Variants in SOHLH2 observed in about 807,000 individuals in gnomAD.
SOHLH2 encodes spermatogenesis- and oogenesis-specific basic helix-loop-helix-containing protein 2.
Under a neutral mutation model 50.4 loss-of-function variants are expected in SOHLH2, and 22 were observed. That is an observed-to-expected ratio of 0.44 (90% CI 0.31 to 0.62). The LOEUF (loss-of-function observed/expected upper bound fraction) is 0.62, where lower values mean the gene tolerates loss of function less well. Ranked by LOEUF, SOHLH2 falls within the 20% of genes least tolerant of loss-of-function variation. The probability of loss-of-function intolerance (pLI) is 0.08; values close to 1 mark genes in which losing one functional copy is unlikely to be tolerated. For synonymous variants in SOHLH2, 185 were observed against 187.3 expected, an observed-to-expected ratio of 0.99 and a Z score of 0.10; for missense variants, 412 against 504.4, an observed-to-expected ratio of 0.82 and a Z score of 1.76.
chr13:36,189,768 T>C (rs965639374), intron 6 of SOHLH2, among the ~76,000 whole-genome samples, 178 bp downstream of exon 6: 1 of 152,234 alleles, frequency 6.6e-6, no homozygotes, highest in African/African-American at 2.4e-5. Context: ...TGGCATGCAC[T>C]GCAGACTCAG....
At chr13:36,201,781 A>G in intron 2 of SOHLH2, 98 bp downstream of exon 2, 2 of 1,488,356 alleles carry the variant, frequency 1.3e-6, no homozygotes, top group South Asian at 1.3e-5. Context: ...CAATTTGAAA[A>G]GTAAAATAGA....
chr13:36,173,569 A>G, intron 9 of SOHLH2, 123 bp downstream of exon 9: 3 of 1,129,224 alleles, frequency 2.7e-6, no homozygotes, highest in South Asian at 2.8e-5. Flanking sequence ...GGCTGACAAT[A>G]CCAGAAGGAC....
intron 9 of SOHLH2, 146 bp from the exon 10 acceptor site, chr13:36,170,933 A>G: frequency 7.7e-7 from 1 of 1,300,682 alleles, no homozygotes; most frequent in Non-Finnish European, 1.0e-6. Flanking sequence ...TGATGGAAAA[A>G]CAAAGTGAAC....
chr13:36,197,051 A>G (rs1485069857), intron 2 of SOHLH2, among the ~76,000 whole-genome samples: 1 of 152,232 alleles, frequency 6.6e-6, no homozygotes, highest in Non-Finnish European at 1.5e-5. Context: ...TAAGCAATGC[A>G]AAAACAAACC....
At chr13:36,186,480 G>C (rs1887423453) in intron 6 of SOHLH2, among the ~76,000 whole-genome samples, 1 of 152,264 alleles carries the variant, frequency 6.6e-6, no homozygotes, top group Admixed American at 6.5e-5. Flanking sequence ...GGAACCCTCT[G>C]AGAACTGCCT....
At chr13:36,186,156 G>A (rs1887411724) in intron 6 of SOHLH2, among the ~76,000 whole-genome samples, 1 of 151,756 alleles carries the variant, frequency 6.6e-6, no homozygotes, top group African/African-American at 2.4e-5. Flanking sequence ...AAAAAAATCA[G>A]TCATAATCAC....
intron 2 of SOHLH2, among the ~76,000 whole-genome samples, chr13:36,197,172 A>G (rs991760188): frequency 1.3e-5 from 2 of 152,162 alleles, no homozygotes; most frequent in Admixed American, 6.5e-5. Context: ...TGTGTTTGCA[A>G]TTTATTTGGG....
chr13:36,204,012 G>A (rs769065156), intron 1 of SOHLH2, among the ~76,000 whole-genome samples: 12 of 144,808 alleles, frequency 8.3e-5, no homozygotes, highest in Middle Eastern at 3.9e-3. Context: ...GTGCAGTGGC[G>A]TGATCTCGGC....
chr13:36,169,136 C>T, intron 10 of SOHLH2, 82 bp from the exon 11 acceptor site: 2 of 1,492,596 alleles, frequency 1.3e-6, no homozygotes, highest in Non-Finnish European at 1.8e-6. Context: ...TTTTCTATAT[C>T]CTAAAACAAT....
chr13:36,214,116 T>C (rs768064638), intron 1 of SOHLH2, among the ~76,000 whole-genome samples: 10 of 151,958 alleles, frequency 6.6e-5, no homozygotes, highest in Non-Finnish European at 1.5e-4. Context: ...AATTTTTGGA[T>C]TCAAGATAAT....
chr13:36,193,974 C>A, intron 2 of SOHLH2, 107 bp from the exon 3 acceptor site: 7 of 1,025,612 alleles, frequency 6.8e-6, no homozygotes, highest in Non-Finnish European at 8.2e-6. Flanking sequence ...TTCTTCATTT[C>A]TTTAGAATTT....
chr13:36,173,292 A>C (rs1188265021), intron 9 of SOHLH2, among the ~76,000 whole-genome samples: 1 of 144,616 alleles, frequency 6.9e-6, no homozygotes, highest in Non-Finnish European at 1.6e-5. Flanking sequence ...ACAGCAGAGA[A>C]AGTGGCTGAG....
chr13:36,184,585 G>A (rs926898605), intron 6 of SOHLH2, among the ~76,000 whole-genome samples: 2 of 150,092 alleles, frequency 1.3e-5, no homozygotes, highest in African/African-American at 2.5e-5. Flanking sequence ...TCAGCCTCCC[G>A]AGTAGCTGGG....
Position 36,189,940 on chromosome 13 carries a change from A to C in SOHLH2, c.641+6T>G. The C allele has an allele frequency of 2.5e-6, 4 of 1,582,758 alleles. No individual in the cohort carries two copies. The highest frequency in any genetic ancestry group is 3.4e-6 in the Non-Finnish European group (4 of 1,164,664). Reference sequence around the variant, plus strand: ...AATGCTTAAAAAGTGCTATATTAAAATTCACCTTCTTAGTTTTTCCTTGCT... The same window carrying C: ...AATGCTTAAAAAGTGCTATATTAAACTTCACCTTCTTAGTTTTTCCTTGCT... On this transcript the variant is annotated splice_donor_region_variant and intron_variant, in intron 6 of 10. Coordinates refer to ENST00000379881, the MANE Select transcript of SOHLH2 (RefSeq NM_017826.3).
At chr13:36,199,623 G>C (rs978365549) in intron 2 of SOHLH2, among the ~76,000 whole-genome samples, 1 of 152,126 alleles carries the variant, frequency 6.6e-6, no homozygotes, top group Admixed American at 6.5e-5. Flanking sequence ...TATACACTTG[G>C]TACCTTCATC....
chr13:36,204,039 C>T (rs1868600668), intron 1 of SOHLH2, among the ~76,000 whole-genome samples: 1 of 150,792 alleles, frequency 6.6e-6, no homozygotes. Context: ...TAACCTCTGC[C>T]TCCTGGGTTC....
chr13:36,212,876 GTC>G (rs1295987098), intron 1 of SOHLH2, among the ~76,000 whole-genome samples: 1 of 152,182 alleles, frequency 6.6e-6, no homozygotes, highest in African/African-American at 2.4e-5. Flanking sequence ...GGGCACTCTA[GTC>G]TCTACAATTT....
rs1887049998 is a variant in SOHLH2, at chr13:36,174,522, G to A, written c.835C>T (p.Gln279Ter). Residue 279 changes from glutamine to a stop codon, truncating the protein, a stop_gained, in exon 8 of 11, where the codon CAA becomes TAA. Coordinates refer to ENST00000379881, the MANE Select transcript of SOHLH2 (RefSeq NM_017826.3). LOFTEE classifies it high-confidence loss of function. The stretch of plus-strand genomic sequence containing the variant: ...GGGAGAGACAGCTCAATGGGTGTTT[G>A]TTGTTTCTTACAAAACCTCATGTTG... ...QSNMRFCKKQQTPIELSLPGT... is the reference protein window; with the variant it reads ...QSNMRFCKKQ The A allele has an allele frequency of 1.2e-6, 2 of 1,614,012 alleles. No homozygotes were observed. Among genetic ancestry groups the A allele is most frequent in the Non-Finnish European group, 1.7e-6 (2 of 1,180,036 alleles).
chr13:36,199,404 T>C (rs1245351309), intron 2 of SOHLH2, among the ~76,000 whole-genome samples: 1 of 152,160 alleles, frequency 6.6e-6, no homozygotes, highest in African/African-American at 2.4e-5. Context: ...AGGATGGCGC[T>C]TCTCCCACCC....
Sources: gnomAD v4.1 joint callset for allele counts (sites outside exome capture counted in the v4.1 genomes callset) on GRCh38, gnomAD v4.1.1 for gene constraint, MANE v1.5 for transcripts, NCBI Gene and HGNC (gene_info 2026-07-23, HGNC 2026-07-21) for gene names.